The following PKP2 variants were observed in gnomAD, a reference collection of about 807,000 sequenced individuals.
PKP2 encodes the protein plakophilin-2.
In PKP2, 73 loss-of-function variants were observed where a neutral mutation model predicts 83.4. That is an observed-to-expected ratio of 0.88 (90% confidence interval 0.72 to 1.06). The LOEUF is 1.06. Among genes scored for constraint, PKP2 ranks in the 50% least tolerant of loss-of-function variants. The pLI is 0.00. For missense variants in PKP2, 966 were observed against 1,065.4 expected (o/e 0.91, Z 1.30); for synonymous variants, 409 against 430.4 (o/e 0.95, Z 0.62).
chr12:32,858,885 G>GA (rs920893819), intron 4 of PKP2, among the ~76,000 whole-genome samples: 21 of 151,204 alleles, frequency 1.4e-4, no homozygotes, highest in East Asian at 7.8e-4. Flanking sequence ...GAATTCAAGT[G>GA]AAAAAAAAAT....
chr12:32,888,147 T>G (rs1335311686), intron 1 of PKP2, among the ~76,000 whole-genome samples: 1 of 152,178 alleles, frequency 6.6e-6, no homozygotes, highest in Non-Finnish European at 1.5e-5. Flanking sequence ...CACTCCAGCC[T>G]GGGCAACAGA....
intron 4 of PKP2, among the ~76,000 whole-genome samples, chr12:32,857,920 G>A (rs1956763218): frequency 6.7e-6 from 1 of 150,234 alleles, no homozygotes; most frequent in Non-Finnish European, 1.5e-5. Context: ...ACGTAATGAT[G>A]CCCAGTTTTT....
intron 4 of PKP2, among the ~76,000 whole-genome samples, chr12:32,851,742 A>T (rs1378195314): frequency 6.6e-6 from 1 of 152,224 alleles, no homozygotes; most frequent in East Asian, 1.9e-4. Context: ...TGCTGGGATT[A>T]CAGGCGTGAG....
chr12:32,891,718 A>T (rs1017958593), intron 1 of PKP2, among the ~76,000 whole-genome samples: 1 of 152,194 alleles, frequency 6.6e-6, no homozygotes. Context: ...TATCTGTCAC[A>T]TATAGAACAA....
chr12:32,889,878 C>T (rs950609972), intron 1 of PKP2, among the ~76,000 whole-genome samples: 9 of 151,794 alleles, frequency 5.9e-5, no homozygotes, highest in African/African-American at 1.7e-4. Context: ...AGATCGAGAC[C>T]ATCCTGGCTA....
At position 32,879,141 on chromosome 12, in the gene PKP2, C is replaced by G. The variant is rs565602176; in HGVS notation, c.224-109G>C. The stretch of plus-strand genomic sequence containing the variant: ...ACTTTTAAATTTAAGTAATGAAGGC[C>G]AAGAACAAGTATTAAACGTACGTTA... On this transcript the variant is annotated intron_variant, in intron 1 of 12. Coordinates refer to ENST00000340811, the MANE Select transcript of PKP2 (RefSeq NM_001005242.3). The G allele has an allele frequency of 1.7e-5, 12 of 720,948 alleles. No individual in the cohort carries two copies. In the East Asian group the frequency reaches 3.2e-4, roughly 19 times the overall value. 44.7% of individuals were successfully genotyped at this position (720,948 alleles called of 1,614,324 possible). A position where few individuals can be genotyped will look rare whatever the true frequency, so the allele number is the denominator to read the frequency against.
intron 7 of PKP2, among the ~76,000 whole-genome samples, chr12:32,823,317 T>C (rs1013223549): frequency 6.7e-6 from 1 of 149,918 alleles, no homozygotes; most frequent in Non-Finnish European, 1.5e-5. Flanking sequence ...TTTGGGAAGC[T>C]GAGGCAGGAG....
At chr12:32,805,593 T>C (rs1048011111) in intron 9 of PKP2, among the ~76,000 whole-genome samples, 30 of 152,208 alleles carry the variant, frequency 2.0e-4, no homozygotes, top group African/African-American at 6.8e-4. Context: ...TTGTCAGGTT[T>C]GTTGAAGATC....
At chr12:32,895,979 C>T (rs1232723997) in intron 1 of PKP2, among the ~76,000 whole-genome samples, 1 of 152,218 alleles carries the variant, frequency 6.6e-6, no homozygotes, top group Non-Finnish European at 1.5e-5. Context: ...CAGGGTGGAG[C>T]GCCCCGAAGT....
intron 10 of PKP2, among the ~76,000 whole-genome samples, chr12:32,801,064 T>C (rs909272803): frequency 4.6e-5 from 7 of 152,354 alleles, no homozygotes; most frequent in Non-Finnish European, 7.3e-5. Flanking sequence ...ATATTTGACA[T>C]GAAGCCAATC....
intron 3 of PKP2, among the ~76,000 whole-genome samples, chr12:32,875,042 C>T (rs1221652601): frequency 6.6e-6 from 1 of 152,210 alleles, no homozygotes; most frequent in Admixed American, 6.5e-5. Flanking sequence ...AGCCACTGTG[C>T]TGGCCTCATC....
At chr12:32,793,524 G>A (rs751926637) in intron 11 of PKP2, among the ~76,000 whole-genome samples, 11 of 149,578 alleles carry the variant, frequency 7.4e-5, no homozygotes, top group Non-Finnish European at 1.5e-4. Flanking sequence ...ATCTCTTTAC[G>A]TTTCCATATA....
At chr12:32,865,010 G>T (rs1261984044) in intron 4 of PKP2, among the ~76,000 whole-genome samples, 1 of 152,016 alleles carries the variant, frequency 6.6e-6, no homozygotes, top group Admixed American at 6.6e-5. Context: ...AGTTTTCCAT[G>T]GTATCCTCAA....
At chr12:32,807,479 C>T (rs1445148563) in intron 9 of PKP2, among the ~76,000 whole-genome samples, 1 of 152,162 alleles carries the variant, frequency 6.6e-6, no homozygotes, top group African/African-American at 2.4e-5. Flanking sequence ...GGCTCTTTAT[C>T]CAGTTTGCCA....
intron 5 of PKP2, among the ~76,000 whole-genome samples, chr12:32,844,341 C>T (rs1956627397): frequency 6.6e-6 from 1 of 151,844 alleles, no homozygotes; most frequent in Non-Finnish European, 1.5e-5. Flanking sequence ...AAAATATGTA[C>T]AATATGAGAT....
In PKP2 at chr12:32,850,761, A is replaced by G. The variant is rs767415624; in HGVS notation, c.1378+5T>C. On this transcript the variant is annotated splice_donor_5th_base_variant and intron_variant, in intron 5 of 12. Transcript: ENST00000340811. ...TTAGGTTCTTCAATGTTCAGTAAGC[A>G]CTACCTGTTATTTGTTTTTTAGTCT... The G allele has an allele frequency of 6.2e-6, 10 of 1,608,392 alleles. No homozygotes were observed. The highest frequency in any genetic ancestry group is 8.5e-6 in the Non-Finnish European group (10 of 1,176,404).
At chr12:32,794,203 T>G (rs994432170) in intron 11 of PKP2, among the ~76,000 whole-genome samples, 2 of 152,200 alleles carry the variant, frequency 1.3e-5, no homozygotes, top group African/African-American at 4.8e-5. Context: ...TCAGAATCAC[T>G]TGGTAATAAC....
intron 4 of PKP2, among the ~76,000 whole-genome samples, chr12:32,851,219 T>G (rs758682842): frequency 7.2e-5 from 11 of 152,046 alleles, no homozygotes; most frequent in Non-Finnish European, 1.3e-4. Flanking sequence ...AAGGGGAAGA[T>G]TAAGTGATAA....
chr12:32,889,583 A>T (rs957718479), intron 1 of PKP2, among the ~76,000 whole-genome samples: 1 of 152,224 alleles, frequency 6.6e-6, no homozygotes, highest in Non-Finnish European at 1.5e-5. Context: ...ACACAAATTC[A>T]GTTTGCGCTT....
Sources: allele counts gnomAD v4.1 joint callset (sites outside exome capture counted in the v4.1 genomes callset), GRCh38; gene constraint gnomAD v4.1.1; transcripts MANE v1.5; gene names NCBI Gene and HGNC (gene_info 2026-07-23, HGNC 2026-07-21).